ELMO1: variants seen among roughly 807,000 people sequenced by gnomAD.
ELMO1 encodes engulfment and cell motility protein 1.
In ELMO1, 26 loss-of-function variants were observed where a neutral mutation model predicts 98.9. That is an observed-to-expected ratio of 0.26 (90% CI 0.19 to 0.36). The LOEUF (loss-of-function observed/expected upper bound fraction) is 0.36, where lower values mean the gene tolerates loss of function less well. Among genes scored for constraint, ELMO1 ranks in the 10% least tolerant of loss-of-function variants. The pLI is 1.00. For synonymous variants in ELMO1, 346 were observed against 346.0 expected (o/e 1.00, Z 0.00); for missense variants, 627 against 935.2 (o/e 0.67, Z 4.30).
At chr7:37,293,278 G>T (rs1194587006) in intron 4 of ELMO1, among the ~76,000 whole-genome samples, 1 of 136,138 alleles carries the variant, frequency 7.3e-6, no homozygotes, top group Admixed American at 7.2e-5. Flanking sequence ...GAATAGAAAG[G>T]GGGGAAAGGT....
chr7:37,084,645 T>G (rs1783665517), intron 15 of ELMO1, among the ~76,000 whole-genome samples: 1 of 152,216 alleles, frequency 6.6e-6, no homozygotes. Flanking sequence ...AATGAAGATG[T>G]TGCAGGGGTT....
chr7:36,896,441 A>T (rs563277381), intron 16 of ELMO1, among the ~76,000 whole-genome samples: 25 of 152,344 alleles, frequency 1.6e-4, no homozygotes, highest in African/African-American at 5.8e-4. Flanking sequence ...AAGTGCAGAA[A>T]TGATAGAGAT....
rs1280151646 is a variant in ELMO1 at position 37,406,803 on chromosome 7, C to T, written c.-74+41872G>A. Among the ~76,000 whole-genome samples the T allele has an allele frequency of 1.3e-5, 2 of 152,024 alleles. 1 individual carries two copies. Among genetic ancestry groups the T allele is most frequent in the Admixed American group, 1.3e-4 (2 of 15,266 alleles). ...AAATATAGCATTAGCTAGAGGATCTCAAAGGTCCTTCCAAGATTAAAATGG... is the reference window on the plus strand; with the variant it reads ...AAATATAGCATTAGCTAGAGGATCTTAAAGGTCCTTCCAAGATTAAAATGG... On this transcript the variant is annotated intron_variant, in intron 1 of 21. Transcript: ENST00000310758.
chr7:37,261,861 CA>C (rs1287638731), intron 5 of ELMO1, among the ~76,000 whole-genome samples: 8 of 152,204 alleles, frequency 5.3e-5, no homozygotes, highest in Non-Finnish European at 8.8e-5. Flanking sequence ...CTCGGCCTCC[CA>C]AAGTGCTGGG....
Position 36,861,652 on chromosome 7 carries a change from C to T in ELMO1, c.1983+7G>A, listed in dbSNP as rs754926711. On this transcript the variant is annotated splice_region_variant and intron_variant, in intron 21 of 21. Coordinates refer to ENST00000310758, the MANE Select transcript of ELMO1 (RefSeq NM_014800.11). ...ATCTCATAAATTATCACCCCCGAGA[C>T]CCTTACCTCATGCTTGTCAGGAGCG... 1.9e-6 allele frequency: 3 copies of T among 1,613,002 alleles called. No individual in the cohort carries two copies. In the East Asian group the frequency reaches 6.7e-5, roughly 36 times the overall value.
Position 37,056,874 on chromosome 7 carries a change from A to G in ELMO1, c.1300+39745T>C, listed in dbSNP as rs546101304. ...ACTTTCAGCTGGGGCATCTTGGGCC[A>G]GTTACTGCACCTCTGAATAGGTTCT... On this transcript the variant is annotated intron_variant, in intron 15 of 21. Coordinates refer to ENST00000310758, the MANE Select transcript of ELMO1 (RefSeq NM_014800.11). Among the ~76,000 whole-genome samples the G allele has an allele frequency of 1.3e-5, 2 of 152,334 alleles. 1 individual carries two copies. Among genetic ancestry groups the G allele is most frequent in the East Asian group, 3.9e-4 (2 of 5,186 alleles).
At chr7:37,195,311 A>G (rs1791899605) in intron 13 of ELMO1, among the ~76,000 whole-genome samples, 1 of 152,216 alleles carries the variant, frequency 6.6e-6, no homozygotes, top group Non-Finnish European at 1.5e-5. Context: ...CTGTCCGCAC[A>G]CTGCCTTAAA....
intron 15 of ELMO1, among the ~76,000 whole-genome samples, chr7:37,087,591 G>A (rs1403535190): frequency 2.6e-5 from 4 of 152,098 alleles, no homozygotes; most frequent in African/African-American, 9.7e-5. Flanking sequence ...ATGGAGCACT[G>A]ACCTGTTTCA....
chr7:37,036,996 A>G (rs1185657702), intron 15 of ELMO1, among the ~76,000 whole-genome samples: 1 of 152,246 alleles, frequency 6.6e-6, no homozygotes, highest in African/African-American at 2.4e-5. Context: ...AGTGTAAATG[A>G]GGAGCCAGGC....
Position 37,248,927 on chromosome 7 carries a change from A to G in ELMO1, c.414-4536T>C, listed in dbSNP as rs115618596. ...AAATTCATCTTTTGTGTGAAGGCAAAATTCCGGAAAAGGTCACACATAATG... is the reference window on the plus strand; with the variant it reads ...AAATTCATCTTTTGTGTGAAGGCAAGATTCCGGAAAAGGTCACACATAATG... On this transcript the variant is annotated intron_variant, in intron 6 of 21. Coordinates refer to ENST00000310758, the MANE Select transcript of ELMO1 (RefSeq NM_014800.11). Among the ~76,000 whole-genome samples the G allele has an allele frequency of 7.8e-3, 1,191 of 152,320 alleles. 14 individuals are homozygous for G. Among genetic ancestry groups the G allele is most frequent in the African/African-American group, 0.027 (1,128 of 41,578 alleles).
At chr7:37,033,144 T>C (rs144666489) in intron 15 of ELMO1, among the ~76,000 whole-genome samples, 2,317 of 152,246 alleles carry the variant, frequency 0.015, 20 homozygotes, top group Middle Eastern at 0.044. Context: ...CTGGAAGCCA[T>C]TGAAATGCAT....
intron 2 of ELMO1, among the ~76,000 whole-genome samples, chr7:37,320,417 CA>C (rs200621864): frequency 6.6e-6 from 1 of 151,316 alleles, no homozygotes; most frequent in African/African-American, 2.4e-5. Flanking sequence ...AACAAACAAA[CA>C]AAAAAAAATC....
chr7:37,232,013 C>T (rs55754512), intron 8 of ELMO1, among the ~76,000 whole-genome samples: 10,932 of 152,054 alleles, frequency 0.072, 1,292 homozygotes, highest in African/African-American at 0.25. Context: ...CCACTGCGCC[C>T]GGCTAATTTT....
intron 15 of ELMO1, among the ~76,000 whole-genome samples, chr7:37,041,443 G>A (rs1012478834): frequency 2.6e-5 from 4 of 152,208 alleles, no homozygotes; most frequent in African/African-American, 9.6e-5. Flanking sequence ...GATTGCAGCA[G>A]TGGTCTATGT....
At chr7:37,154,611 A>G (rs1788601090) in intron 13 of ELMO1, among the ~76,000 whole-genome samples, 1 of 152,242 alleles carries the variant, frequency 6.6e-6, no homozygotes, top group Non-Finnish European at 1.5e-5. Context: ...AGACAAGATC[A>G]GAGAAAAGAG....
intron 13 of ELMO1, among the ~76,000 whole-genome samples, chr7:37,200,244 A>AT (rs373030810): frequency 0.7 from 95,795 of 137,248 alleles, 34,381 homozygotes; most frequent in East Asian, 0.87. Context: ...AAGCTAATTA[A>AT]TTTTTTTTTT....
chr7:37,429,019 GGTTGTTGTTGTTGTTGTT>G (rs67631888), intron 1 of ELMO1, among the ~76,000 whole-genome samples: 13 of 151,212 alleles, frequency 8.6e-5, no homozygotes, highest in African/African-American at 2.7e-4. Context: ...ACGTACTGCA[GGTTGTTGTTGTTGTTGTT>G]GTTGTTGTTG....
chr7:37,417,335 T>C lies in ELMO1; in HGVS notation c.-74+31340A>G, dbSNP rs1427842829. ...AGGTGCTAACCCACTAGGACTGTTATCTTTATAAAAAGAGGAAGATGTCTA... is the reference window on the plus strand; with the variant it reads ...AGGTGCTAACCCACTAGGACTGTTACCTTTATAAAAAGAGGAAGATGTCTA... On this transcript the variant is annotated intron_variant, in intron 1 of 21. Transcript: ENST00000310758. 6.6e-5 allele frequency among the ~76,000 whole-genome samples: 10 copies of C among 152,300 alleles called. No homozygotes were observed. In the East Asian group the frequency reaches 1.7e-3, roughly 26 times the overall value.
intron 16 of ELMO1, among the ~76,000 whole-genome samples, chr7:36,999,361 T>C (rs17170822): frequency 0.01 from 1,598 of 152,340 alleles, 42 homozygotes; most frequent in East Asian, 0.069. Context: ...TTCATGTGGT[T>C]CCACCTAATC....
Sources: allele counts gnomAD v4.1 joint callset (sites outside exome capture counted in the v4.1 genomes callset), GRCh38; gene constraint gnomAD v4.1.1; transcripts MANE v1.5; gene names NCBI Gene and HGNC (gene_info 2026-07-23, HGNC 2026-07-21).